CCDC6: variants seen among roughly 807,000 people sequenced by gnomAD.
The protein encoded by CCDC6 is coiled-coil domain containing 6, also known as coiled-coil domain-containing protein 6.
A neutral mutation model predicts 56.6 loss-of-function variants in CCDC6; 20 were observed. The ratio of observed to expected loss-of-function variants is 0.35; its 90% CI spans 0.25 to 0.51. The LOEUF (loss-of-function observed/expected upper bound fraction) is 0.51. Ranked by LOEUF, CCDC6 falls within the 20% of genes least tolerant of loss-of-function variation. The pLI is 0.95. For synonymous variants in CCDC6, 241 were observed against 234.4 expected (o/e 1.03, Z -0.26); for missense variants, 367 against 601.1 (o/e 0.61, Z 4.07).
intron 1 of CCDC6, among the ~76,000 whole-genome samples, chr10:59,896,674 A>G (rs181421881): frequency 6.6e-6 from 1 of 151,198 alleles, no homozygotes; most frequent in Non-Finnish European, 1.5e-5. Context: ...ACCAGGGAGG[A>G]AAAAAAAATG....
At position 59,789,508 on chromosome 10, in the gene CCDC6, C is replaced by T. The variant is rs1285147883; in HGVS notation, c.*3409G>A. ...CAAAAAATCACCAAAAACCTAGAAA[C>T]CCCTTAATCTCTTACAATGGCTCTT... On this transcript the variant is annotated 3_prime_UTR_variant, in exon 9 of 9. Transcript: ENST00000263102. The T allele has an allele frequency of 4.3e-6, 1 of 232,818 alleles. No homozygotes were observed. The highest frequency in any genetic ancestry group is 5.6e-5 in the Admixed American group (1 of 17,748). 14.4% of individuals were successfully genotyped at this position (232,818 alleles called of 1,614,324 possible).
At chr10:59,885,192 A>G (rs1183107003) in intron 1 of CCDC6, among the ~76,000 whole-genome samples, 1 of 152,164 alleles carries the variant, frequency 6.6e-6, no homozygotes, top group African/African-American at 2.4e-5. Flanking sequence ...GTTTGGATAC[A>G]TTTGTTATAT....
At chr10:59,851,949 A>C (rs568653868) in intron 2 of CCDC6, among the ~76,000 whole-genome samples, 84 of 152,274 alleles carry the variant, frequency 5.5e-4, no homozygotes, top group African/African-American at 1.9e-3. Flanking sequence ...GGGGGAGAGA[A>C]TGAGCCTCTG....
intron 1 of CCDC6, among the ~76,000 whole-genome samples, chr10:59,871,373 A>C (rs1236750454): frequency 6.6e-6 from 1 of 151,260 alleles, no homozygotes; most frequent in Non-Finnish European, 1.5e-5. Flanking sequence ...TTACATGTGT[A>C]TACACGTACA....
At chr10:59,863,731 C>A (rs552922048) in intron 1 of CCDC6, among the ~76,000 whole-genome samples, 1 of 152,188 alleles carries the variant, frequency 6.6e-6, no homozygotes, top group African/African-American at 2.4e-5. Flanking sequence ...AACATGCACG[C>A]TTTTCATATA....
At chr10:59,893,288 C>T (rs2071437712) in intron 1 of CCDC6, among the ~76,000 whole-genome samples, 1 of 150,870 alleles carries the variant, frequency 6.6e-6, no homozygotes, top group African/African-American at 2.4e-5. Context: ...GTGGTTACAC[C>T]AGTGACTTCA....
intron 5 of CCDC6, among the ~76,000 whole-genome samples, chr10:59,809,531 A>G (rs2070655461): frequency 6.6e-6 from 1 of 152,138 alleles, no homozygotes; most frequent in Admixed American, 6.5e-5. Context: ...GAAGGCTGTC[A>G]CCAGAGCATT....
At position 59,791,533 on chromosome 10, in the gene CCDC6, T is replaced by C. The variant is rs1292239585; in HGVS notation, c.*1384A>G. On this transcript the variant is annotated 3_prime_UTR_variant, in exon 9 of 9. Coordinates refer to ENST00000263102, the MANE Select transcript of CCDC6 (RefSeq NM_005436.5). ...GTCACAAAACATGGACTCTTAAAAATTACTGATAAATTACTTTTCAGTTCT... is the reference window on the plus strand; with the variant it reads ...GTCACAAAACATGGACTCTTAAAAACTACTGATAAATTACTTTTCAGTTCT... 5.1e-6 allele frequency: 1 copy of C among 195,398 alleles called. No homozygotes were observed. Among genetic ancestry groups the C allele is most frequent in the African/African-American group, 2.3e-5 (1 of 43,366 alleles). 12.1% of individuals were successfully genotyped at this position (195,398 alleles called of 1,614,324 possible).
Position 59,846,432 on chromosome 10 carries a change from T to C in CCDC6, c.453+6121A>G, listed in dbSNP as rs568542321. ...TCAGCAGTTTTGCCCACAACTTCCT[T>C]CCTGTCCTCTCTCATCTTTCCATAG... On this transcript the variant is annotated intron_variant, in intron 2 of 8. Coordinates refer to ENST00000263102, the MANE Select transcript of CCDC6 (RefSeq NM_005436.5). 1.1e-4 allele frequency among the ~76,000 whole-genome samples: 16 copies of C among 152,312 alleles called. 1 individual carries two copies. The South Asian group carries it at 3.3e-3, about 32-fold the overall frequency.
chr10:59,893,920 G>T (rs986852726), intron 1 of CCDC6, among the ~76,000 whole-genome samples: 5 of 152,070 alleles, frequency 3.3e-5, no homozygotes, highest in African/African-American at 1.2e-4. Context: ...TGCTTACTGC[G>T]ATCTTCAAGG....
intron 1 of CCDC6, among the ~76,000 whole-genome samples, chr10:59,874,319 C>T (rs1232009251): frequency 6.6e-6 from 1 of 152,136 alleles, no homozygotes; most frequent in African/African-American, 2.4e-5. Context: ...CCTATCCAAC[C>T]AAGACTAGAG....
chr10:59,893,691 G>A (rs895186168), intron 1 of CCDC6, among the ~76,000 whole-genome samples: 2 of 151,958 alleles, frequency 1.3e-5, no homozygotes, highest in African/African-American at 4.8e-5. Flanking sequence ...TGATAAATTT[G>A]TGCATTCAAA....
chr10:59,821,128 C>A (rs1164633822), intron 3 of CCDC6, among the ~76,000 whole-genome samples: 1 of 152,106 alleles, frequency 6.6e-6, no homozygotes, highest in African/African-American at 2.4e-5. Context: ...GAAAAATGGT[C>A]ACAGTTTTGC....
chr10:59,799,649 T>C (rs1295677682), intron 7 of CCDC6, among the ~76,000 whole-genome samples: 1 of 152,184 alleles, frequency 6.6e-6, no homozygotes, highest in Non-Finnish European at 1.5e-5. Flanking sequence ...CATGCCTCTG[T>C]TAATGGTGTG....
At chr10:59,872,470 T>C (rs1341839803) in intron 1 of CCDC6, among the ~76,000 whole-genome samples, 1 of 152,210 alleles carries the variant, frequency 6.6e-6, no homozygotes, top group Non-Finnish European at 1.5e-5. Context: ...CCTTGTCTCC[T>C]TGCTCGTGCG....
intron 1 of CCDC6, among the ~76,000 whole-genome samples, chr10:59,892,043 T>C (rs971028195): frequency 6.6e-6 from 1 of 152,214 alleles, no homozygotes; most frequent in African/African-American, 2.4e-5. Flanking sequence ...ATTCGGCTAC[T>C]GCAATCCTGC....
intron 7 of CCDC6, among the ~76,000 whole-genome samples, chr10:59,798,972 C>T (rs1031915447): frequency 5.6e-5 from 7 of 124,474 alleles, no homozygotes; most frequent in Non-Finnish European, 9.4e-5. Flanking sequence ...CCAGCCTGCG[C>T]GACAGAGCAA....
At chr10:59,808,862 T>C (rs1176161098) in intron 5 of CCDC6, among the ~76,000 whole-genome samples, 3 of 152,224 alleles carry the variant, frequency 2.0e-5, no homozygotes, top group Non-Finnish European at 2.9e-5. Context: ...TCATTACAGA[T>C]ATACAAAAGC....
chr10:59,812,841 G>A (rs1220098740), intron 4 of CCDC6, 46 bp from the exon 5 acceptor site: 12 of 1,452,526 alleles, frequency 8.3e-6, no homozygotes, highest in Non-Finnish European at 1.1e-5. Context: ...AGTTTTCCTT[G>A]AAAAGACAAA....
Sources: allele counts gnomAD v4.1 joint callset (sites outside exome capture counted in the v4.1 genomes callset), GRCh38; gene constraint gnomAD v4.1.1; transcripts MANE v1.5; gene names NCBI Gene and HGNC (gene_info 2026-07-23, HGNC 2026-07-21).